The following WDFY3 variants were observed in gnomAD, a reference collection of about 807,000 sequenced individuals.
WDFY3 encodes WD repeat and FYVE domain containing 3, also known as WD repeat and FYVE domain-containing protein 3.
WDFY3 carries 66 observed loss-of-function variants against 409.6 expected under a neutral mutation model. That is an observed-to-expected ratio of 0.16 (90% CI 0.13 to 0.20). The LOEUF (loss-of-function observed/expected upper bound fraction) is 0.20. Among genes scored for constraint, WDFY3 ranks in the 10% least tolerant of loss-of-function variants. The pLI is 1.00. For missense variants in WDFY3, 3,031 were observed against 4,298.1 expected (o/e 0.71, Z 8.24); for synonymous variants, 1,521 against 1,537.1 (o/e 0.99, Z 0.25).
At chr4:84,790,938 C>CA (rs923450466) in intron 21 of WDFY3, among the ~76,000 whole-genome samples, 249 of 143,748 alleles carry the variant, frequency 1.7e-3, no homozygotes, top group Non-Finnish European at 1.9e-3. Context: ...TGGCTATTAT[C>CA]AAAAAAAAAA....
At chr4:84,801,562 T>C in intron 17 of WDFY3, 88 bp downstream of exon 17, 1 of 1,388,732 alleles carries the variant, frequency 7.2e-7, no homozygotes, top group Non-Finnish European at 9.7e-7. Context: ...TGAATATATG[T>C]CCATTAAGGC....
chr4:84,883,616 C>G (rs1763827270), intron 3 of WDFY3, among the ~76,000 whole-genome samples: 1 of 151,992 alleles, frequency 6.6e-6, no homozygotes, highest in East Asian at 1.9e-4. Context: ...AGAGTAATGC[C>G]TTTTATATCA....
rs1725615345 is a variant in WDFY3, at chr4:84,672,774, G to A, written c.*94C>T. The A allele has an allele frequency of 6.5e-7, 1 of 1,534,620 alleles. No individual in the cohort carries two copies. The highest frequency in any genetic ancestry group is 1.4e-5 in the African/African-American group (1 of 72,270). ...TCAAACACGTGGTATGAAGAGATGT[G>A]TAAACGGAGACTGTTTTCAATGCCT... On this transcript the variant is annotated 3_prime_UTR_variant, in exon 68 of 68. Coordinates refer to ENST00000295888, the MANE Select transcript of WDFY3 (RefSeq NM_014991.6).
chr4:84,697,396 CG>C (rs2148898610), intron 56 of WDFY3, among the ~76,000 whole-genome samples: 1 of 152,196 alleles, frequency 6.6e-6, no homozygotes, highest in East Asian at 1.9e-4. Flanking sequence ...TCTGAAATGA[CG>C]TAACTTTTTG....
chr4:84,766,030 A>G lies in WDFY3; in HGVS notation c.4971-3T>C, dbSNP rs1435832458. Reference sequence around the variant, plus strand: ...TCTTCACCAGTTCTTCACAAGCTCTATTCAAGACAGATGGATTTAAAAAAC... The same window carrying G: ...TCTTCACCAGTTCTTCACAAGCTCTGTTCAAGACAGATGGATTTAAAAAAC... On this transcript the variant is annotated splice_region_variant and splice_polypyrimidine_tract_variant and intron_variant, in intron 31 of 67. Coordinates refer to ENST00000295888, the MANE Select transcript of WDFY3 (RefSeq NM_014991.6). The G allele has an allele frequency of 1.9e-6, 3 of 1,609,942 alleles. No individual in the cohort carries two copies. Among genetic ancestry groups the G allele is most frequent in the Admixed American group, 1.7e-5 (1 of 59,072 alleles).
intron 36 of WDFY3, among the ~76,000 whole-genome samples, chr4:84,746,499 C>T: frequency 6.6e-6 from 1 of 152,068 alleles, no homozygotes; most frequent in East Asian, 1.9e-4. Flanking sequence ...AATATTCTTT[C>T]TTATTCCAGA....
intron 1 of WDFY3, among the ~76,000 whole-genome samples, chr4:84,959,824 T>C (rs1178175480): frequency 6.6e-6 from 1 of 152,174 alleles, no homozygotes; most frequent in Non-Finnish European, 1.5e-5. Context: ...CAAAACTTGA[T>C]GAACTTCATG....
intron 5 of WDFY3, among the ~76,000 whole-genome samples, chr4:84,847,005 G>A (rs1239806841): frequency 6.6e-6 from 1 of 152,036 alleles, no homozygotes; most frequent in Non-Finnish European, 1.5e-5. Context: ...ACTACTATGT[G>A]GGCCCTAGAC....
intron 13 of WDFY3, among the ~76,000 whole-genome samples, chr4:84,816,327 A>G (rs1033386853): frequency 7.2e-5 from 11 of 152,164 alleles, no homozygotes; most frequent in African/African-American, 2.7e-4. Context: ...TTCACAGCAG[A>G]TAAGCTGAAA....
intron 3 of WDFY3, among the ~76,000 whole-genome samples, chr4:84,889,406 C>A (rs150616298): frequency 3.3e-3 from 498 of 152,090 alleles, no homozygotes; most frequent in Middle Eastern, 0.02. Context: ...TGATTAGTTC[C>A]CTTTTACAGA....
chr4:84,876,378 A>G (rs1039838391), intron 3 of WDFY3, among the ~76,000 whole-genome samples: 1 of 152,216 alleles, frequency 6.6e-6, no homozygotes, highest in African/African-American at 2.4e-5. Context: ...TAACTATTTA[A>G]CCTCAAGTCA....
intron 43 of WDFY3, 109 bp from the exon 44 acceptor site, chr4:84,733,718 A>G: frequency 9.8e-7 from 1 of 1,023,594 alleles, no homozygotes; most frequent in Middle Eastern, 2.4e-4. Flanking sequence ...CACAATCCAC[A>G]CCATTTCAGT....
chr4:84,918,338 T>C (rs1422534805), intron 2 of WDFY3, among the ~76,000 whole-genome samples: 1 of 152,110 alleles, frequency 6.6e-6, no homozygotes, highest in East Asian at 1.9e-4. Context: ...CTGGTGTACA[T>C]ACACACAAAA....
intron 4 of WDFY3, among the ~76,000 whole-genome samples, chr4:84,852,286 G>A (rs1759142414): frequency 6.6e-6 from 1 of 152,188 alleles, no homozygotes; most frequent in African/African-American, 2.4e-5. Flanking sequence ...GGATGGAGCT[G>A]AATGGTGTCA....
At chr4:84,914,605 A>G (rs1768229879) in intron 2 of WDFY3, among the ~76,000 whole-genome samples, 1 of 152,162 alleles carries the variant, frequency 6.6e-6, no homozygotes, top group South Asian at 2.1e-4. Flanking sequence ...TAATTTAGTC[A>G]TTAGGAAAAT....
chr4:84,865,227 A>G (rs1279055933), intron 3 of WDFY3, among the ~76,000 whole-genome samples: 2 of 152,170 alleles, frequency 1.3e-5, no homozygotes, highest in African/African-American at 4.8e-5. Flanking sequence ...ACATGATCAC[A>G]TTATGACAAA....
chr4:84,942,192 G>A (rs901352377), intron 1 of WDFY3, among the ~76,000 whole-genome samples: 1 of 151,932 alleles, frequency 6.6e-6, no homozygotes, highest in Non-Finnish European at 1.5e-5. Flanking sequence ...AGAAAAAAAT[G>A]GGCAAAGTGG....
intron 58 of WDFY3, among the ~76,000 whole-genome samples, chr4:84,695,499 C>CAGAGAGAGACAGAGAGAGAGAGAG (rs1217791319): frequency 2.7e-5 from 2 of 73,072 alleles, no homozygotes; most frequent in Admixed American, 1.3e-4. Context: ...CACACAGAGA[C>CAGAGAGAGACAGAGAGAGAGAGAG]AGAGAGAGAT....
At chr4:84,850,669 A>G (rs1578811451) in intron 4 of WDFY3, among the ~76,000 whole-genome samples, 1 of 151,990 alleles carries the variant, frequency 6.6e-6, no homozygotes, top group African/African-American at 2.4e-5. Flanking sequence ...GTTATAAAGG[A>G]TCTTTGATGG....
Sources: allele counts gnomAD v4.1 joint callset (sites outside exome capture counted in the v4.1 genomes callset), GRCh38; gene constraint gnomAD v4.1.1; transcripts MANE v1.5; gene names NCBI Gene and HGNC (gene_info 2026-07-23, HGNC 2026-07-21).